RNF170: variants seen among roughly 807,000 people sequenced by gnomAD.
RNF170 encodes the protein ring finger protein 170.
A neutral mutation model predicts 32.7 loss-of-function variants in RNF170; 12 were observed. The ratio of observed to expected loss-of-function variants is 0.37; its 90% CI spans 0.24 to 0.60. The LOEUF is 0.60. Among genes scored for constraint, RNF170 ranks in the 20% least tolerant of loss-of-function variants. The pLI, the probability that RNF170 is intolerant of heterozygous loss-of-function variation, is 0.72. For synonymous variants in RNF170, 91 were observed against 103.6 expected (o/e 0.88, Z 0.74); for missense variants, 212 against 311.2 (o/e 0.68, Z 2.40).
intron 2 of RNF170, among the ~76,000 whole-genome samples, chr8:42,885,910 C>G (rs1805778820): frequency 6.6e-6 from 1 of 152,076 alleles, no homozygotes; most frequent in South Asian, 2.1e-4. Flanking sequence ...GGATGCACCA[C>G]CACGCCTGCC....
intron 3 of RNF170, among the ~76,000 whole-genome samples, chr8:42,871,183 C>A (rs1324717055): frequency 6.6e-6 from 1 of 151,852 alleles, no homozygotes; most frequent in Non-Finnish European, 1.5e-5. Context: ...ATACTCCTGC[C>A]TGGGCAACAG....
At chr8:42,887,930 T>A in intron 1 of RNF170, 59 bp from the exon 2 acceptor site, 2 of 1,466,254 alleles carry the variant, frequency 1.4e-6, no homozygotes. Flanking sequence ...TGAAATATAC[T>A]AATAAAAGCA....
intron 2 of RNF170, among the ~76,000 whole-genome samples, chr8:42,876,982 C>T (rs1176472820): frequency 2.5e-5 from 3 of 120,492 alleles, no homozygotes; most frequent in African/African-American, 9.6e-5. Context: ...GAGACAGAGT[C>T]TTGTTCTGTC....
Position 42,861,544 on chromosome 8 carries a change from T to C in RNF170, c.507+201A>G, listed in dbSNP as rs1158655277. On this transcript the variant is annotated intron_variant, in intron 6 of 6. Coordinates refer to ENST00000527424, the MANE Select transcript of RNF170 (RefSeq NM_030954.4). ...TTTTTCTAGAGATGGGGTTTCATCA[T>C]GTTTCCAAGGCTGGTCTCAAACTCC... 16 of 545,196 alleles carry C rather than the reference T, an allele frequency of 2.9e-5. No individual in the cohort carries two copies. The East Asian group carries it at 5.3e-4, about 18-fold the overall frequency. 33.8% of individuals were successfully genotyped at this position (545,196 alleles called of 1,614,324 possible).
chr8:42,877,312 G>A (rs1348102785), intron 2 of RNF170, among the ~76,000 whole-genome samples: 2 of 151,960 alleles, frequency 1.3e-5, no homozygotes, highest in African/African-American at 4.8e-5. Context: ...TCCACCTCCC[G>A]GGTTCAAGCG....
upstream of RNF170, chr8:42,896,742 G>T: frequency 1.4e-5 from 2 of 145,078 alleles, no homozygotes; most frequent in South Asian, 3.9e-4. Flanking sequence ...GGGCGCGCCC[G>T]GCGGCAGCGG....
At chr8:42,882,560 C>G (rs1461794788) in intron 2 of RNF170, among the ~76,000 whole-genome samples, 1 of 152,088 alleles carries the variant, frequency 6.6e-6, no homozygotes, top group Non-Finnish European at 1.5e-5. Flanking sequence ...AATTCTAATA[C>G]GTGTTACAAC....
Position 42,855,079 on chromosome 8 carries a change from A to G in RNF170, c.*1080T>C, listed in dbSNP as rs931353855. The stretch of plus-strand genomic sequence containing the variant: ...GATTCACCTTCCTCAGAAATGCATC[A>G]GGCTACTCTGTGTTTGCAGCATCGC... On this transcript the variant is annotated 3_prime_UTR_variant, in exon 7 of 7. Coordinates refer to ENST00000527424, the MANE Select transcript of RNF170 (RefSeq NM_030954.4). 1 of 1,287,136 alleles carries G rather than the reference A, an allele frequency of 7.8e-7. No homozygotes were observed. The highest frequency in any genetic ancestry group is 1.5e-5 in the African/African-American group (1 of 65,804). 79.7% of individuals were successfully genotyped at this position (1,287,136 alleles called of 1,614,324 possible). A position where few individuals can be genotyped will look rare whatever the true frequency, so the allele number is the denominator to read the frequency against.
rs774817554 is a variant in RNF170, at chr8:42,887,787, T to C, written c.78A>G (p.Val26=). The C allele has an allele frequency of 3.1e-6, 5 of 1,613,908 alleles. No homozygotes were observed. The Admixed American group carries it at 5.0e-5, about 16-fold the overall frequency. The part of the protein sequence containing the change: ...DSVIEGVSDQ[V]LVAVVVSFAL... ...CGAAACTGACCACAACTGCCACAAG[T>C]ACTTGGTCGCTTACTCCTTCTATAA... Residue 26 remains valine, a synonymous_variant, in exon 2 of 7, where the codon GTA becomes GTG. Coordinates refer to ENST00000527424, the MANE Select transcript of RNF170 (RefSeq NM_030954.4).
Position 42,854,733 on chromosome 8 carries a change from T to G in RNF170, c.*1426A>C. ...TGATATTAATAGCAGTGATCTCAGA[T>G]GACAATGCTAACACTGACTCCTGGG... On this transcript the variant is annotated 3_prime_UTR_variant, in exon 7 of 7. Coordinates refer to ENST00000527424, the MANE Select transcript of RNF170 (RefSeq NM_030954.4). 7.8e-7 allele frequency: 1 copy of G among 1,287,440 alleles called. No individual in the cohort carries two copies. Among genetic ancestry groups the G allele is most frequent in the Non-Finnish European group, 1.0e-6 (1 of 988,640 alleles). The allele number at this position is 1,287,440 out of a possible 1,614,324, so 79.8% of individuals were successfully genotyped here.
chr8:42,850,616 G>C, downstream of RNF170: 5 of 748,352 alleles, frequency 6.7e-6, no homozygotes, highest in Non-Finnish European at 1.1e-5. Context: ...TTTTCATAGA[G>C]CTTGTGTTCT....
At chr8:42,875,785 C>T (rs1273485170) in intron 2 of RNF170, among the ~76,000 whole-genome samples, 1 of 152,212 alleles carries the variant, frequency 6.6e-6, no homozygotes, top group East Asian at 1.9e-4. Context: ...CCATGTTGGC[C>T]AGGCTGGTCT....
chr8:42,896,358 A>G (rs1032281013), intron 1 of RNF170, 126 bp downstream of exon 1: 17 of 418,822 alleles, frequency 4.1e-5, no homozygotes, highest in Non-Finnish European at 7.1e-5. Flanking sequence ...GGGGGGAAGG[A>G]GGCGGCGACT....
In RNF170 at chr8:42,855,550, T is replaced by C. The variant is rs1803190920; in HGVS notation, c.*609A>G. 7.8e-7 allele frequency: 1 copy of C among 1,284,120 alleles called. No individual in the cohort carries two copies. Among genetic ancestry groups the C allele is most frequent in the Non-Finnish European group, 1.0e-6 (1 of 985,728 alleles). 79.5% of individuals were successfully genotyped at this position (1,284,120 alleles called of 1,614,324 possible). ...AATTCTTCTATTGATTAAAATGTGTTCTGTAAACTAGAATATGATATCGAA... is the reference window on the plus strand; with the variant it reads ...AATTCTTCTATTGATTAAAATGTGTCCTGTAAACTAGAATATGATATCGAA... On this transcript the variant is annotated 3_prime_UTR_variant, in exon 7 of 7. Transcript: ENST00000527424.
Position 42,853,614 on chromosome 8 carries a change from T to TA in RNF170, c.*2544dup, listed in dbSNP as rs1162198202. The TA allele has an allele frequency of 5.5e-6, 7 of 1,283,514 alleles. No individual in the cohort carries two copies. Among genetic ancestry groups the TA allele is most frequent in the Admixed American group, 2.3e-5 (1 of 43,162 alleles). 79.5% of individuals were successfully genotyped at this position (1,283,514 alleles called of 1,614,324 possible). ...TTATGACAGTTATGATATTGTTGTT[T>TA]AAAAAAAATCCAAATTGTTACTTTG... On this transcript the variant is annotated 3_prime_UTR_variant, in exon 7 of 7. Transcript: ENST00000527424.
chr8:42,872,150 G>T (rs942573268), intron 3 of RNF170, among the ~76,000 whole-genome samples: 2 of 152,182 alleles, frequency 1.3e-5, no homozygotes, highest in African/African-American at 4.8e-5. Flanking sequence ...CTGTGTGCTG[G>T]GCCTCAGGAA....
intron 1 of RNF170, among the ~76,000 whole-genome samples, chr8:42,888,543 A>G: frequency 6.6e-6 from 1 of 151,232 alleles, no homozygotes; most frequent in East Asian, 2.0e-4. Context: ...CAGGCGGATC[A>G]CCTGAGGTCA....
At chr8:42,896,122 C>G (rs1351427422) in intron 1 of RNF170, 1 of 213,720 alleles carries the variant, frequency 4.7e-6, no homozygotes, top group Non-Finnish European at 9.7e-6. Context: ...GAAACGCAGG[C>G]CCGGGGTCGG....
In RNF170 at chr8:42,884,204, C is replaced by T. The variant is rs62515911; in HGVS notation, c.137+3524G>A. ...CAGGAGATTCTCCTGACTCAGCCTC[C>T]GAGTAGCTAGCTGGGGTTATAGGGG... On this transcript the variant is annotated intron_variant, in intron 2 of 6. Transcript: ENST00000527424. Among the ~76,000 whole-genome samples the T allele has an allele frequency of 3.9e-3, 597 of 151,990 alleles. 3 individuals are homozygous for T. Among genetic ancestry groups the T allele is most frequent in the Middle Eastern group, 6.8e-3 (2 of 294 alleles).
Sources: allele counts gnomAD v4.1 joint callset (sites outside exome capture counted in the v4.1 genomes callset), GRCh38; gene constraint gnomAD v4.1.1; transcripts MANE v1.5; gene names NCBI Gene and HGNC (gene_info 2026-07-23, HGNC 2026-07-21).